The following TFDP2 variants were observed in gnomAD, a reference collection of about 807,000 sequenced individuals.
TFDP2 encodes transcription factor Dp-2 (E2F dimerization partner 2).
A neutral mutation model predicts 59.3 loss-of-function variants in TFDP2; 17 were observed. The observed-to-expected ratio is 0.29, with a 90% CI of 0.20 to 0.43. The LOEUF is 0.43. Ranked by LOEUF, TFDP2 falls within the 20% of genes least tolerant of loss-of-function variation. The pLI is 1.00. For synonymous variants in TFDP2, 180 were observed against 194.7 expected (o/e 0.92, Z 0.63); for missense variants, 391 against 528.8 (o/e 0.74, Z 2.56).
intron 3 of TFDP2, among the ~76,000 whole-genome samples, chr3:142,074,264 C>G (rs2060362535): frequency 6.6e-6 from 1 of 151,964 alleles, no homozygotes; most frequent in Non-Finnish European, 1.5e-5. Context: ...CAAAAACTAG[C>G]CAGGCATGGT....
In TFDP2 at chr3:142,112,216, C is replaced by G. The variant is rs564148623; in HGVS notation, c.-92-10375G>C. On this transcript the variant is annotated intron_variant, in intron 1 of 12. Transcript: ENST00000489671. ...ATTCTTTAAAAACCAGTAATATTAG[C>G]CATATCTTGTAATTCTTCAGTAACT... Among the ~76,000 whole-genome samples the G allele has an allele frequency of 8.9e-4, 136 of 152,256 alleles. 1 individual carries two copies. Among genetic ancestry groups the G allele is most frequent in the African/African-American group, 3.2e-3 (132 of 41,546 alleles).
rs1559937533 is a variant in TFDP2 at position 141,968,435 on chromosome 3, T to TATATCTC, written c.732+1637_732+1638insGAGATAT. 4.6e-4 allele frequency among the ~76,000 whole-genome samples: 40 copies of TATATCTC among 87,216 alleles called. 2 individuals are homozygous for TATATCTC. Among genetic ancestry groups the TATATCTC allele is most frequent in the African/African-American group, 2.0e-3 (39 of 19,560 alleles). The allele number at this position is 87,216 out of a possible 152,430, so 57.2% of individuals were successfully genotyped here. A position where few individuals can be genotyped will look rare whatever the true frequency, so the allele number is the denominator to read the frequency against. ...ATAACATATATATCTCATATATAGATATATATAACATATATATCTCATATA... is the reference window on the plus strand; with the variant it reads ...ATAACATATATATCTCATATATAGATATATCTCATATATAACATATATATCTCATATA... On this transcript the variant is annotated intron_variant, in intron 9 of 12. Coordinates refer to ENST00000489671, the MANE Select transcript of TFDP2 (RefSeq NM_001178139.2).
chr3:141,973,017 C>A (rs991420147), intron 8 of TFDP2, among the ~76,000 whole-genome samples: 5 of 147,060 alleles, frequency 3.4e-5, no homozygotes, highest in African/African-American at 1.3e-4. Flanking sequence ...TATAATAATA[C>A]CAAATAACTG....
intron 6 of TFDP2, among the ~76,000 whole-genome samples, chr3:141,992,126 G>GA (rs1448259559): frequency 1.3e-5 from 2 of 150,584 alleles, no homozygotes; most frequent in African/African-American, 2.4e-5. Flanking sequence ...AAAGCATAAA[G>GA]AAAAAAATGA....
intron 4 of TFDP2, among the ~76,000 whole-genome samples, chr3:142,001,994 T>TG (rs1269682508): frequency 2.0e-5 from 3 of 148,124 alleles, no homozygotes; most frequent in African/African-American, 7.7e-5. Context: ...TGCCTGGTTT[T>TG]TTTTTTTTTT....
intron 1 of TFDP2, among the ~76,000 whole-genome samples, chr3:142,104,152 A>G (rs192713999): frequency 7.0e-4 from 107 of 152,364 alleles, no homozygotes; most frequent in Non-Finnish European, 1.6e-4. Context: ...TTTTGCTTAC[A>G]GTAGTTGTAC....
chr3:142,027,733 A>G (rs1252560313), intron 3 of TFDP2, among the ~76,000 whole-genome samples: 1 of 152,224 alleles, frequency 6.6e-6, no homozygotes, highest in Non-Finnish European at 1.5e-5. Context: ...GAAATGATCA[A>G]TTCAATCAAG....
At chr3:142,122,220 T>C (rs556403809) in intron 1 of TFDP2, among the ~76,000 whole-genome samples, 62 of 152,300 alleles carry the variant, frequency 4.1e-4, no homozygotes, top group African/African-American at 1.4e-3. Context: ...CCAGTTTAAA[T>C]AACAGTGCAT....
At chr3:141,993,251 G>GT in intron 6 of TFDP2, among the ~76,000 whole-genome samples, 1 of 152,020 alleles carries the variant, frequency 6.6e-6, no homozygotes, top group African/African-American at 2.4e-5. Context: ...TTAGGGTAAT[G>GT]TGGAGTATTC....
At chr3:142,014,250 C>CT (rs1412615378) in intron 3 of TFDP2, among the ~76,000 whole-genome samples, 1 of 152,182 alleles carries the variant, frequency 6.6e-6, no homozygotes, top group Non-Finnish European at 1.5e-5. Context: ...TCAAGTTATC[C>CT]TCCTGCCTCA....
chr3:141,995,243 C>G (rs1943157304), intron 4 of TFDP2, 102 bp from the exon 5 acceptor site: 7 of 1,000,206 alleles, frequency 7.0e-6, no homozygotes, highest in Middle Eastern at 3.5e-4. Flanking sequence ...GGAAACCTTG[C>G]TGCCTAAAAG....
chr3:142,004,866 G>A (rs1944091739), intron 4 of TFDP2, among the ~76,000 whole-genome samples: 1 of 152,006 alleles, frequency 6.6e-6, no homozygotes, highest in Non-Finnish European at 1.5e-5. Context: ...CAATACAAGA[G>A]AAACCTCACA....
chr3:142,032,739 C>T (rs1946494097), intron 3 of TFDP2, among the ~76,000 whole-genome samples: 1 of 152,150 alleles, frequency 6.6e-6, no homozygotes, highest in African/African-American at 2.4e-5. Context: ...TCATCCTCAC[C>T]ACCCAAATGC....
Position 141,948,946 on chromosome 3 carries a change from T to C in TFDP2, c.*3567A>G, listed in dbSNP as rs1935585853. 6.6e-6 allele frequency: 1 copy of C among 151,304 alleles called. No homozygotes were observed. The highest frequency in any genetic ancestry group is 2.4e-5 in the African/African-American group (1 of 41,058). 9.4% of individuals were successfully genotyped at this position (151,304 alleles called of 1,614,324 possible). A position where few individuals can be genotyped will look rare whatever the true frequency, so the allele number is the denominator to read the frequency against. ...GGTGAAACCCCGTCTCTACTAAAAA[T>C]ACAAAAAAAATTAGCCAGGCATGGT... On this transcript the variant is annotated 3_prime_UTR_variant, in exon 13 of 13. Coordinates refer to ENST00000489671, the MANE Select transcript of TFDP2 (RefSeq NM_001178139.2).
intron 3 of TFDP2, among the ~76,000 whole-genome samples, chr3:142,022,308 G>A (rs1229064116): frequency 2.0e-5 from 3 of 152,164 alleles, no homozygotes; most frequent in Non-Finnish European, 1.5e-5. Flanking sequence ...TTATGGTCTG[G>A]TAAGACTCTT....
chr3:142,043,797 CATG>C, intron 3 of TFDP2: 1 of 1,596,978 alleles, frequency 6.3e-7, no homozygotes, highest in South Asian at 1.1e-5. Flanking sequence ...GGATGTGCTC[CATG>C]AGAATCCGCT....
chr3:142,060,980 T>A (rs966307098), intron 3 of TFDP2, among the ~76,000 whole-genome samples: 14 of 152,230 alleles, frequency 9.2e-5, no homozygotes, highest in Admixed American at 6.5e-4. Context: ...TTAATTTTTA[T>A]AGCTGAAGCC....
At chr3:142,071,514 T>C (rs1325533770) in intron 3 of TFDP2, among the ~76,000 whole-genome samples, 5 of 152,192 alleles carry the variant, frequency 3.3e-5, no homozygotes, top group African/African-American at 1.2e-4. Flanking sequence ...TAAGGAACTA[T>C]TAAAATGTTT....
intron 1 of TFDP2, among the ~76,000 whole-genome samples, chr3:142,131,291 A>G (rs1442535668): frequency 6.7e-6 from 1 of 150,256 alleles, no homozygotes; most frequent in Non-Finnish European, 1.5e-5. Flanking sequence ...ACATTTCATA[A>G]CATAATTTAT....
Sources: allele counts gnomAD v4.1 joint callset (sites outside exome capture counted in the v4.1 genomes callset), GRCh38; gene constraint gnomAD v4.1.1; transcripts MANE v1.5; gene names NCBI Gene and HGNC (gene_info 2026-07-23, HGNC 2026-07-21).